CKAP5: variants seen among roughly 807,000 people sequenced by gnomAD.
The protein encoded by CKAP5 is cytoskeleton-associated protein 5.
Under a neutral mutation model 232.8 loss-of-function variants are expected in CKAP5, and 27 were observed. The observed-to-expected ratio is 0.12, with a 90% CI of 0.09 to 0.16. The LOEUF (loss-of-function observed/expected upper bound fraction) is 0.16. CKAP5 is among the 10% of genes least tolerant of loss of function. CKAP5 has a pLI of 1.00. For missense variants in CKAP5, 1,838 were observed against 2,424.7 expected (o/e 0.76, Z 5.08); for synonymous variants, 785 against 841.1 (o/e 0.93, Z 1.16).
chr11:46,813,207 A>T (rs577007107), intron 4 of CKAP5, among the ~76,000 whole-genome samples: 5 of 152,306 alleles, frequency 3.3e-5, no homozygotes, highest in African/African-American at 9.6e-5. Context: ...TTATATTATT[A>T]AAAAAATTAC....
intron 4 of CKAP5, among the ~76,000 whole-genome samples, chr11:46,813,095 TA>T (rs1365242654): frequency 6.6e-6 from 1 of 152,032 alleles, no homozygotes; most frequent in East Asian, 1.9e-4. Context: ...ACAGGCACAA[TA>T]AAAAAAGAAT....
At chr11:46,816,950 T>C (rs550959706) in intron 3 of CKAP5, among the ~76,000 whole-genome samples, 20 of 151,848 alleles carry the variant, frequency 1.3e-4, no homozygotes, top group Non-Finnish European at 2.8e-4. Flanking sequence ...CTACTAAAAA[T>C]ACAAAATTAC....
intron 2 of CKAP5, among the ~76,000 whole-genome samples, chr11:46,818,856 T>A (rs575485620): frequency 3.5e-4 from 53 of 152,294 alleles, no homozygotes; most frequent in African/African-American, 1.3e-3. Context: ...CTGCCCCGTC[T>A]CCAAAGTATA....
intron 36 of CKAP5, among the ~76,000 whole-genome samples, chr11:46,754,052 G>A (rs1213152612): frequency 6.6e-6 from 1 of 151,722 alleles, no homozygotes; most frequent in Admixed American, 6.6e-5. Context: ...AGACTGGAGT[G>A]CAGTGGCACG....
intron 28 of CKAP5, 90 bp from the exon 29 acceptor site, chr11:46,763,720 A>C: frequency 1.3e-6 from 1 of 782,612 alleles, no homozygotes; most frequent in Non-Finnish European, 1.8e-6. Context: ...AGGAACAATA[A>C]AATATTTAAA....
intron 33 of CKAP5, among the ~76,000 whole-genome samples, chr11:46,759,787 T>C (rs1248883237): frequency 6.6e-6 from 1 of 152,238 alleles, no homozygotes; most frequent in East Asian, 1.9e-4. Flanking sequence ...TCACTACTTA[T>C]GAGCAAATAT....
chr11:46,803,908 G>A, intron 8 of CKAP5, among the ~76,000 whole-genome samples: 1 of 152,038 alleles, frequency 6.6e-6, no homozygotes. Flanking sequence ...TTAGATGCTA[G>A]GCTTTATATT....
intron 27 of CKAP5, among the ~76,000 whole-genome samples, chr11:46,767,120 C>T (rs2065208894): frequency 6.6e-6 from 1 of 151,868 alleles, no homozygotes; most frequent in Non-Finnish European, 1.5e-5. Context: ...CTCCTGGGTT[C>T]AAGCGATTCT....
intron 42 of CKAP5, among the ~76,000 whole-genome samples, chr11:46,749,941 A>C (rs1379412293): frequency 2.0e-5 from 3 of 152,036 alleles, no homozygotes; most frequent in African/African-American, 7.2e-5. Context: ...AAAAAAAAAA[A>C]AAAGAGGTCA....
intron 16 of CKAP5, among the ~76,000 whole-genome samples, chr11:46,787,159 A>C (rs921916324): frequency 6.6e-6 from 1 of 151,930 alleles, no homozygotes; most frequent in Non-Finnish European, 1.5e-5. Context: ...CCCTTTCTCA[A>C]AAAAAAAGAA....
At position 46,751,246 on chromosome 11, in the gene CKAP5, G is replaced by C; in HGVS notation, c.5332C>G (p.His1778Asp). ...CKLKGPKILDHLTMIDNKNES... is the reference protein window; with the variant it reads ...CKLKGPKILDDLTMIDNKNES... Reference sequence around the variant, plus strand: ...TTTTTGTTGTCGATCATCGTTAGGTGGTCCAGGATCTGAGGGAGACACATG... The same window carrying C: ...TTTTTGTTGTCGATCATCGTTAGGTCGTCCAGGATCTGAGGGAGACACATG... The change falls in exon 40 of 44, where the codon CAC becomes GAC. Residue 1778 changes from histidine (H) to aspartate (D), a missense_variant. Physicochemically the swap from His to Asp is moderately conservative, Grantham distance 81. Transcript: ENST00000529230. The C allele has an allele frequency of 6.2e-7, 1 of 1,614,144 alleles. No individual in the cohort carries two copies. Among genetic ancestry groups the C allele is most frequent in the Non-Finnish European group, 8.5e-7 (1 of 1,180,024 alleles).
intron 1 of CKAP5, among the ~76,000 whole-genome samples, chr11:46,829,149 T>C (rs926374272): frequency 5.9e-5 from 9 of 152,180 alleles, no homozygotes; most frequent in Admixed American, 5.2e-4. Flanking sequence ...TTGAACAACA[T>C]GGATTTGAAC....
chr11:46,826,967 G>A (rs1939672681), intron 1 of CKAP5: 1 of 152,734 alleles, frequency 6.5e-6, no homozygotes. Flanking sequence ...AAGCTTAAAG[G>A]GGCCGCAGTG....
chr11:46,750,665 G>C, intron 40 of CKAP5, 54 bp from the exon 41 acceptor site: 1 of 1,370,106 alleles, frequency 7.3e-7, no homozygotes, highest in Admixed American at 1.9e-5. Context: ...TATTAATTAG[G>C]AACTGATGGT....
chr11:46,818,580 G>A (rs781299768), intron 2 of CKAP5, 77 bp from the exon 3 acceptor site: 2 of 1,048,282 alleles, frequency 1.9e-6, no homozygotes, highest in South Asian at 2.2e-5. Context: ...GGGGGGGAGG[G>A]TGTGAGAATA....
chr11:46,796,723 C>T (rs1321865319), intron 12 of CKAP5, 89 bp downstream of exon 12: 60 of 1,430,960 alleles, frequency 4.2e-5, no homozygotes, highest in Non-Finnish European at 4.8e-5. Flanking sequence ...ATCAAAACTA[C>T]CAGTACTCTA....
chr11:46,838,467 T>C (rs977826018), intron 1 of CKAP5, among the ~76,000 whole-genome samples: 3 of 150,882 alleles, frequency 2.0e-5, no homozygotes, highest in African/African-American at 7.3e-5. Flanking sequence ...TGAGACTGTG[T>C]CTCCACAAAA....
At chr11:46,822,401 G>A (rs1188199637) in intron 1 of CKAP5, among the ~76,000 whole-genome samples, 1 of 152,078 alleles carries the variant, frequency 6.6e-6, no homozygotes, top group Non-Finnish European at 1.5e-5. Flanking sequence ...CCTTTTAAAA[G>A]GCCAAGAAAA....
At chr11:46,786,653 T>C (rs2065397157) in intron 16 of CKAP5, among the ~76,000 whole-genome samples, 2 of 152,182 alleles carry the variant, frequency 1.3e-5, no homozygotes, top group African/African-American at 4.8e-5. Flanking sequence ...CAGAGGACTT[T>C]GAGAATCTAG....
Sources: allele counts gnomAD v4.1 joint callset (sites outside exome capture counted in the v4.1 genomes callset), GRCh38; gene constraint gnomAD v4.1.1; transcripts MANE v1.5; gene names NCBI Gene and HGNC (gene_info 2026-07-23, HGNC 2026-07-21).